ERCC1: variants seen among roughly 807,000 people sequenced by gnomAD.
ERCC1 encodes DNA excision repair protein ERCC-1.
ERCC1 carries 36 observed loss-of-function variants against 37.6 expected under a neutral mutation model. The observed-to-expected ratio is 0.96, with a 90% CI of 0.73 to 1.26. ERCC1 has a LOEUF of 1.26. ERCC1 is among the 50% of genes most tolerant of loss of function. The pLI is 0.00. For missense variants in ERCC1, 349 were observed against 376.5 expected (o/e 0.93, Z 0.60); for synonymous variants, 156 against 162.1 (o/e 0.96, Z 0.28).
At chr19:45,431,275 C>T (rs1302081169) in intron 1 of ERCC1, among the ~76,000 whole-genome samples, 1 of 152,172 alleles carries the variant, frequency 6.6e-6, no homozygotes, top group African/African-American at 2.4e-5. Flanking sequence ...AAAACAATGC[C>T]CTTCCTCTCA....
intron 1 of ERCC1, among the ~76,000 whole-genome samples, chr19:45,439,763 G>A (rs1022793411): frequency 8.6e-5 from 13 of 152,010 alleles, no homozygotes; most frequent in African/African-American, 2.7e-4. Context: ...TGTGCACGCG[G>A]GGTGTCCAGG....
Position 45,430,931 on chromosome 19 carries a change from T to C in ERCC1, c.-7-7550A>G, listed in dbSNP as rs553705218. ...CAAAAAAAAATTACCATAATAATAT[T>C]GACATAATATATGATACACCATAAT... is the stretch of plus-strand genomic sequence containing the variant. On this transcript the variant is annotated intron_variant, in intron 1 of 8. Coordinates refer to the ERCC1 transcript ENST00000423698. Among the ~76,000 whole-genome samples, 106 of 151,764 alleles carry C rather than the reference T, an allele frequency of 7.0e-4. 1 individual carries two copies. The highest frequency in any genetic ancestry group is 5.6e-4 in the Non-Finnish European group (38 of 67,918).
At chr19:45,429,733 A>G (rs1974787920) in intron 1 of ERCC1, among the ~76,000 whole-genome samples, 1 of 151,710 alleles carries the variant, frequency 6.6e-6, no homozygotes, top group Admixed American at 6.6e-5. Flanking sequence ...AGCCTTGAGA[A>G]CTCATGTACC....
At chr19:45,432,483 T>C (rs1056662242) in intron 1 of ERCC1, among the ~76,000 whole-genome samples, 2 of 152,086 alleles carry the variant, frequency 1.3e-5, no homozygotes, top group Non-Finnish European at 2.9e-5. Flanking sequence ...CAGTTTTGAT[T>C]TCCATTACAG....
At chr19:45,446,068 A>G (rs914403348) in intron 1 of ERCC1, among the ~76,000 whole-genome samples, 4 of 150,536 alleles carry the variant, frequency 2.7e-5, no homozygotes, top group African/African-American at 4.9e-5. Context: ...TTTTTTTTGC[A>G]TTTTTATAGA....
chr19:45,418,052 C>A (rs1236138748), intron 5 of ERCC1, among the ~76,000 whole-genome samples: 3 of 151,810 alleles, frequency 2.0e-5, no homozygotes, highest in African/African-American at 7.3e-5. Flanking sequence ...CATAGCAAGA[C>A]CCTGTCTCTA....
At chr19:45,447,894 T>C (rs1455027323) in intron 1 of ERCC1, among the ~76,000 whole-genome samples, 1 of 149,348 alleles carries the variant, frequency 6.7e-6, no homozygotes, top group Non-Finnish European at 1.5e-5. Context: ...TTTTTTGAGA[T>C]AGTATCTTGC....
intron 1 of ERCC1, 106 bp downstream of exon 1, chr19:45,423,675 T>G: frequency 1.6e-6 from 2 of 1,256,632 alleles, no homozygotes; most frequent in Non-Finnish European, 2.0e-6. Flanking sequence ...CCCCCGAGGC[T>G]AGCATCTGGA....
At chr19:45,438,130 T>C (rs1975028855) in intron 1 of ERCC1, among the ~76,000 whole-genome samples, 1 of 152,224 alleles carries the variant, frequency 6.6e-6, no homozygotes, top group Non-Finnish European at 1.5e-5. Context: ...CAGGATGGTG[T>C]CGATCTCCTG....
intron 6 of ERCC1, 89 bp from the exon 7 acceptor site, chr19:45,415,049 C>G: frequency 1.0e-6 from 1 of 983,844 alleles, no homozygotes; most frequent in Non-Finnish European, 1.6e-6. Flanking sequence ...ATTGCCAATA[C>G]TAGGCCGGGC....
At chr19:45,439,384 T>A (rs1285215591) in intron 1 of ERCC1, among the ~76,000 whole-genome samples, 6 of 151,948 alleles carry the variant, frequency 3.9e-5, no homozygotes. Flanking sequence ...AGGTCAGATT[T>A]AAAAAAATAA....
intron 1 of ERCC1, among the ~76,000 whole-genome samples, chr19:45,451,520 C>T (rs1362675069): frequency 6.6e-6 from 1 of 152,214 alleles, no homozygotes; most frequent in African/African-American, 2.4e-5. Flanking sequence ...GCCCGTGGTC[C>T]TTCCATCCTG....
chr19:45,413,444 G>GT (rs990644650), intron 9 of ERCC1: 22 of 808,770 alleles, frequency 2.7e-5, no homozygotes, highest in African/African-American at 6.9e-5. Context: ...TGCCCAGCTA[G>GT]TTTTTTTTAT....
chr19:45,443,715 G>A (rs1364105653), intron 1 of ERCC1, among the ~76,000 whole-genome samples: 1 of 152,118 alleles, frequency 6.6e-6, no homozygotes, highest in African/African-American at 2.4e-5. Flanking sequence ...GGCAAGGAGG[G>A]CCCCTCCCGC....
At chr19:45,422,381 C>G (rs570699621) in intron 2 of ERCC1, among the ~76,000 whole-genome samples, 1 of 152,230 alleles carries the variant, frequency 6.6e-6, no homozygotes, top group South Asian at 2.1e-4. Context: ...GCTGTTCCCT[C>G]TACCCCAGAT....
intron 1 of ERCC1, among the ~76,000 whole-genome samples, chr19:45,444,383 G>T (rs1424072394): frequency 6.6e-6 from 1 of 150,488 alleles, no homozygotes; most frequent in Non-Finnish European, 1.5e-5. Flanking sequence ...GGGTTCCCAG[G>T]CCGCCCCCCC....
chr19:45,446,380 A>G (rs1275793136), intron 1 of ERCC1, among the ~76,000 whole-genome samples: 1 of 152,196 alleles, frequency 6.6e-6, no homozygotes, highest in African/African-American at 2.4e-5. Flanking sequence ...AAATTTGCTG[A>G]CAAGCACATT....
At position 45,408,933 on chromosome 19, in the gene ERCC1, T is replaced by A. The variant is rs1973513390; in HGVS notation, c.*742A>T. ...AAGGTGGAGCCACTGGAGGAAGCCA[T>A]CCCTCTGCCCCCTACGAAGAAGAGG... On this transcript the variant is annotated 3_prime_UTR_variant, in exon 10 of 10. Coordinates refer to ENST00000300853, the MANE Select transcript of ERCC1 (RefSeq NM_001983.4). 1 of 1,613,578 alleles carries A rather than the reference T, an allele frequency of 6.2e-7. No homozygotes were observed. The highest frequency in any genetic ancestry group is 1.3e-5 in the African/African-American group (1 of 74,728).
upstream of ERCC1, among the ~76,000 whole-genome samples, chr19:45,427,271 G>C (rs1010076417): frequency 5.9e-5 from 9 of 152,184 alleles, no homozygotes; most frequent in Non-Finnish European, 1.2e-4. Flanking sequence ...ACGCCTAGTA[G>C]GAAGGAAGGA....
Sources: allele counts gnomAD v4.1 joint callset (sites outside exome capture counted in the v4.1 genomes callset), GRCh38; gene constraint gnomAD v4.1.1; transcripts MANE v1.5; gene names NCBI Gene and HGNC (gene_info 2026-07-23, HGNC 2026-07-21).